The following GJB4 variants were observed in gnomAD, a reference collection of about 807,000 sequenced individuals.
GJB4 encodes the protein gap junction beta-4 protein.
For missense variants in GJB4, 371 were observed against 363.8 expected (o/e 1.02, Z -0.16); for synonymous variants, 162 against 158.1 (o/e 1.02, Z -0.18).
chr1:34,761,868 T>A lies in GJB4; in HGVS notation c.614T>A (p.Val205Asp), dbSNP rs778129905. ...TGCATCCTGCTCAACCTCAGTGAAGTCTTCTACCTGGTGGGCAAGAGGTGC... is the reference window on the plus strand; with the variant it reads ...TGCATCCTGCTCAACCTCAGTGAAGACTTCTACCTGGTGGGCAAGAGGTGC... ...AICILLNLSE[V>D]FYLVGKRCME... Residue 205 changes from valine (V) to aspartate (D), a missense_variant, in exon 2 of 2, where the codon GTC becomes GAC. Val to Asp is a radical substitution (Grantham distance 152). Coordinates refer to ENST00000339480, the MANE Select transcript of GJB4 (RefSeq NM_153212.3). This position sits in a 1 kb window ranked among gnomAD's most constrained non-coding sequence, Gnocchi z 4.4. 3.1e-6 allele frequency: 5 copies of A among 1,614,074 alleles called. No homozygotes were observed. Among genetic ancestry groups the A allele is most frequent in the Non-Finnish European group, 8.5e-7 (1 of 1,180,012 alleles).
intron 1 of GJB4, 71 bp downstream of exon 1, chr1:34,759,859 C>A (rs1407422304): frequency 6.6e-6 from 1 of 152,544 alleles, no homozygotes; most frequent in Non-Finnish European, 1.5e-5. Flanking sequence ...ATCCAAGGGA[C>A]CTCAGGCTGT....
chr1:34,762,016 G>A lies in GJB4; in HGVS notation c.762G>A (p.Lys254=). The change falls in exon 2 of 2, where the codon AAG becomes AAA. Residue 254 remains lysine, a synonymous_variant. Transcript: ENST00000339480. ...HPEDGNSVLM[K]AGSAPVDAGG... ...AGGATGGGAACTCTGTCCTAATGAA[G>A]GCTGGGTCGGCCCCAGTGGATGCAG... The A allele has an allele frequency of 1.2e-6, 2 of 1,614,100 alleles. No individual in the cohort carries two copies. Among genetic ancestry groups the A allele is most frequent in the Non-Finnish European group, 1.7e-6 (2 of 1,179,980 alleles).
chr1:34,761,845 C>T lies in GJB4; in HGVS notation c.591C>T (p.Cys197=), dbSNP rs777430011. 141 of 1,614,100 alleles carry T rather than the reference C, an allele frequency of 8.7e-5. 1 individual carries two copies. Among genetic ancestry groups the T allele is most frequent in the Non-Finnish European group, 1.1e-4 (131 of 1,180,054 alleles). The change falls in exon 2 of 2, where the codon TGC becomes TGT. Residue 197 remains cysteine, a synonymous_variant. Coordinates refer to ENST00000339480, the MANE Select transcript of GJB4 (RefSeq NM_153212.3). This position sits in a 1 kb window ranked among gnomAD's most constrained non-coding sequence, Gnocchi z 4.4. ...TYFMVTTAAI[C]ILLNLSEVFY... ...TCATGGTGACCACAGCTGCCATCTGCATCCTGCTCAACCTCAGTGAAGTCT... is the reference window on the plus strand; with the variant it reads ...TCATGGTGACCACAGCTGCCATCTGTATCCTGCTCAACCTCAGTGAAGTCT...
rs182726132 is a variant in GJB4, at chr1:34,762,098, G to A, written c.*43G>A. Reference sequence around the variant, plus strand: ...TAAGATCAACAGGTCCCCCCCACATGAGGCCACCCAGGAAAAAAGGCAGGG... The same window carrying A: ...TAAGATCAACAGGTCCCCCCCACATAAGGCCACCCAGGAAAAAAGGCAGGG... On this transcript the variant is annotated 3_prime_UTR_variant, in exon 2 of 2. Coordinates refer to ENST00000339480, the MANE Select transcript of GJB4 (RefSeq NM_153212.3). 224 of 1,548,738 alleles carry A rather than the reference G, an allele frequency of 1.4e-4. 1 individual carries two copies. In the African/African-American group the frequency reaches 2.8e-3, roughly 19 times the overall value.
chr1:34,761,580 A>G lies in GJB4; in HGVS notation c.326A>G (p.His109Arg). 1 of 1,614,198 alleles carries G rather than the reference A, an allele frequency of 6.2e-7. No individual in the cohort carries two copies. Among genetic ancestry groups the G allele is most frequent in the Non-Finnish European group, 8.5e-7 (1 of 1,180,042 alleles). The change falls in exon 2 of 2, where the codon CAC becomes CGC. Residue 109 changes from histidine to arginine, a missense_variant. Physicochemically the swap from His to Arg is conservative, Grantham distance 29 (BLOSUM62 0). Coordinates refer to ENST00000339480, the MANE Select transcript of GJB4 (RefSeq NM_153212.3). This position sits in a 1 kb window ranked among gnomAD's most constrained non-coding sequence, Gnocchi z 4.4. ...CGCGAGCGCAAGCACCACCTGAAACACGGGCCCAATGCCCCGTCCCTGTAC... is the reference window on the plus strand; with the variant it reads ...CGCGAGCGCAAGCACCACCTGAAACGCGGGCCCAATGCCCCGTCCCTGTAC... ...EERERKHHLK[H>R]GPNAPSLYDN...
In GJB4 at chr1:34,762,023, T is replaced by C; in HGVS notation, c.769T>C (p.Ser257Pro). Residue 257 changes from serine (S) to proline (P), a missense_variant, in exon 2 of 2, where the codon TCG (serine) becomes CCG (proline). Ser to Pro is a moderately conservative substitution (Grantham distance 74). Transcript: ENST00000339480. ...DGNSVLMKAG[S>P]APVDAGGYP ...GAACTCTGTCCTAATGAAGGCTGGG[T>C]CGGCCCCAGTGGATGCAGGTGGGTA... The C allele has an allele frequency of 6.2e-7, 1 of 1,613,820 alleles. No homozygotes were observed. The highest frequency in any genetic ancestry group is 8.5e-7 in the Non-Finnish European group (1 of 1,179,922).
chr1:34,761,206 A>G lies in GJB4; in HGVS notation c.-49A>G, dbSNP rs773686578. ...GCTCCCAAGGCCTGAGTGGGCAGGT[A>G]GCACCCAGGTATAGACCTTCCACGT... On this transcript the variant is annotated 5_prime_UTR_variant, in exon 2 of 2. Coordinates refer to ENST00000339480, the MANE Select transcript of GJB4 (RefSeq NM_153212.3). The surrounding 1 kb of genome is among the most constrained non-coding windows in gnomAD (Gnocchi z 4.4). 4 of 1,596,150 alleles carry G rather than the reference A, an allele frequency of 2.5e-6. No individual in the cohort carries two copies. In the African/African-American group the frequency reaches 4.0e-5, roughly 16 times the overall value.
chr1:34,760,865 G>C, intron 1 of GJB4, 68 bp from the exon 2 acceptor site: 1 of 337,206 alleles, frequency 3.0e-6, no homozygotes, highest in Non-Finnish European at 5.8e-6. Flanking sequence ...CTGAAACTTG[G>C]GGTAATAGAG....
rs527959955 is a variant in GJB4, at chr1:34,761,646, A to T, written c.392A>T (p.Tyr131Phe). 78 of 1,614,210 alleles carry T rather than the reference A, an allele frequency of 4.8e-5. 2 individuals carry two copies. In the South Asian group the frequency reaches 7.9e-4, roughly 16 times the overall value. Residue 131 changes from tyrosine (Y) to phenylalanine (F), a missense_variant, in exon 2 of 2, where the codon TAC (tyrosine) becomes TTC (phenylalanine). Tyr to Phe is a conservative substitution (Grantham distance 22). Coordinates refer to ENST00000339480, the MANE Select transcript of GJB4 (RefSeq NM_153212.3). This position sits in a 1 kb window ranked among gnomAD's most constrained non-coding sequence, Gnocchi z 4.4. The part of the protein sequence containing the change: ...SKKRGGLWWT[Y>F]LLSLIFKAAV... ...AAGCGGGGCGGACTGTGGTGGACGT[A>T]CTTGCTGAGCCTCATCTTCAAGGCC... is the stretch of plus-strand genomic sequence containing the variant.
chr1:34,761,470 C>G lies in GJB4; in HGVS notation c.216C>G (p.Ser72=). 1 of 1,614,142 alleles carries G rather than the reference C, an allele frequency of 6.2e-7. No individual in the cohort carries two copies. The highest frequency in any genetic ancestry group is 8.5e-7 in the Non-Finnish European group (1 of 1,179,998). The change falls in exon 2 of 2, where the codon TCC becomes TCG. Residue 72 remains serine, a synonymous_variant. Coordinates refer to ENST00000339480, the MANE Select transcript of GJB4 (RefSeq NM_153212.3). The surrounding 1 kb of genome is among the most constrained non-coding windows in gnomAD (Gnocchi z 4.4). The part of the protein sequence containing the change: ...NVCYDEFFPV[S]HVRLWALQLI... ...GCTATGACGAGTTCTTCCCCGTGTC[C>G]CACGTGCGCCTCTGGGCCCTACAGC...
At position 34,761,250 on chromosome 1, in the gene GJB4, C is replaced by G; in HGVS notation, c.-5C>G. 1 of 1,614,076 alleles carries G rather than the reference C, an allele frequency of 6.2e-7. No individual in the cohort carries two copies. The highest frequency in any genetic ancestry group is 1.6e-4 in the Middle Eastern group (1 of 6,062). ...TCCACGTGCAGCACCCAGGACACAG[C>G]CAGCATGAACTGGGCATTTCTGCAG... On this transcript the variant is annotated 5_prime_UTR_variant, in exon 2 of 2. Coordinates refer to ENST00000339480, the MANE Select transcript of GJB4 (RefSeq NM_153212.3). The surrounding 1 kb of genome is among the most constrained non-coding windows in gnomAD (Gnocchi z 4.4).
chr1:34,759,992 G>T (rs1321913480), intron 1 of GJB4, among the ~76,000 whole-genome samples: 3 of 152,124 alleles, frequency 2.0e-5, no homozygotes, highest in Non-Finnish European at 4.4e-5. Context: ...GGGAAGAGGG[G>T]GTATCAGGAA....
Position 34,761,470 on chromosome 1 carries a change from C to T in GJB4, c.216C>T (p.Ser72=). Residue 72 remains serine (S), a synonymous_variant, in exon 2 of 2, where the codon TCC becomes TCT. Coordinates refer to ENST00000339480, the MANE Select transcript of GJB4 (RefSeq NM_153212.3). The surrounding 1 kb of genome is among the most constrained non-coding windows in gnomAD (Gnocchi z 4.4). The part of the protein sequence containing the change: ...NVCYDEFFPV[S]HVRLWALQLI... ...GCTATGACGAGTTCTTCCCCGTGTCCCACGTGCGCCTCTGGGCCCTACAGC... is the reference window on the plus strand; with the variant it reads ...GCTATGACGAGTTCTTCCCCGTGTCTCACGTGCGCCTCTGGGCCCTACAGC... 1 of 1,614,142 alleles carries T rather than the reference C, an allele frequency of 6.2e-7. No homozygotes were observed. The highest frequency in any genetic ancestry group is 8.5e-7 in the Non-Finnish European group (1 of 1,179,998).
At chr1:34,760,264 G>A (rs977105703) in intron 1 of GJB4, among the ~76,000 whole-genome samples, 2 of 152,130 alleles carry the variant, frequency 1.3e-5, no homozygotes, top group Admixed American at 1.3e-4. Context: ...GAGGAGGGGA[G>A]GGTTGGACAT....
In GJB4 at chr1:34,761,447, T is replaced by C; in HGVS notation, c.193T>C (p.Tyr65His). The change falls in exon 2 of 2, where the codon TAT (tyrosine) becomes CAT (histidine). Residue 65 changes from tyrosine to histidine, a missense_variant. Tyr to His is a moderately conservative substitution (Grantham distance 83). Transcript: ENST00000339480. The surrounding 1 kb of genome is among the most constrained non-coding windows in gnomAD (Gnocchi z 4.4). ...TKQPGCPNVC[Y>H]DEFFPVSHVR... Reference sequence around the variant, plus strand: ...GCAGCCCGGCTGCCCCAACGTCTGCTATGACGAGTTCTTCCCCGTGTCCCA... The same window carrying C: ...GCAGCCCGGCTGCCCCAACGTCTGCCATGACGAGTTCTTCCCCGTGTCCCA... The C allele has an allele frequency of 6.2e-7, 1 of 1,614,192 alleles. No homozygotes were observed. Among genetic ancestry groups the C allele is most frequent in the African/African-American group, 1.3e-5 (1 of 75,074 alleles).
rs1639716156 is a variant in GJB4, at chr1:34,761,592, C to T, written c.338C>T (p.Ala113Val). ...RKHHLKHGPN[A>V]PSLYDNLSKK... is the part of the protein sequence containing the mutation. ...CACCACCTGAAACACGGGCCCAATGCCCCGTCCCTGTACGACAACCTGAGC... is the reference window on the plus strand; with the variant it reads ...CACCACCTGAAACACGGGCCCAATGTCCCGTCCCTGTACGACAACCTGAGC... The change falls in exon 2 of 2, where the codon GCC (alanine) becomes GTC (valine). Residue 113 changes from alanine (A) to valine (V), a missense_variant. By Grantham distance (64) the Ala-to-Val change is moderately conservative. Coordinates refer to ENST00000339480, the MANE Select transcript of GJB4 (RefSeq NM_153212.3). This position sits in a 1 kb window ranked among gnomAD's most constrained non-coding sequence, Gnocchi z 4.4. 6.2e-7 allele frequency: 1 copy of T among 1,614,248 alleles called. No homozygotes were observed. The highest frequency in any genetic ancestry group is 8.5e-7 in the Non-Finnish European group (1 of 1,180,042).
Position 34,761,551 on chromosome 1 carries a change from G to A in GJB4, c.297G>A (p.Glu99=), listed in dbSNP as rs749695901. 1.9e-6 allele frequency: 3 copies of A among 1,614,228 alleles called. No homozygotes were observed. The highest frequency in any genetic ancestry group is 2.2e-5 in the South Asian group (2 of 91,082). The part of the protein sequence containing the change: ...LLVVMHVAYR[E]ERERKHHLKH... ...TGGTCATGCACGTGGCCTACCGCGAGGAACGCGAGCGCAAGCACCACCTGA... is the reference window on the plus strand; with the variant it reads ...TGGTCATGCACGTGGCCTACCGCGAAGAACGCGAGCGCAAGCACCACCTGA... The change falls in exon 2 of 2, where the codon GAG becomes GAA. Residue 99 remains glutamate (E), a synonymous_variant. Coordinates refer to ENST00000339480, the MANE Select transcript of GJB4 (RefSeq NM_153212.3). The surrounding 1 kb of genome is among the most constrained non-coding windows in gnomAD (Gnocchi z 4.4).
rs548184524 is a variant in GJB4, at chr1:34,761,962, A to G, written c.708A>G (p.Pro236=). Residue 236 remains proline (P), a synonymous_variant, in exon 2 of 2, where the codon CCA becomes CCG. Transcript: ENST00000339480. The surrounding 1 kb of genome is among the most constrained non-coding windows in gnomAD (Gnocchi z 4.4). The stretch of plus-strand genomic sequence containing the variant: ...AATGCCTACCCGATACGTGCCCACC[A>G]TATGTCCTCTCCCAGGGAGGGCACC... ...CRECLPDTCP[P]YVLSQGGHPE... is the part of the protein sequence containing the mutation. 10 of 1,614,138 alleles carry G rather than the reference A, an allele frequency of 6.2e-6. No individual in the cohort carries two copies. In the South Asian group the frequency reaches 9.9e-5, roughly 16 times the overall value.
chr1:34,761,049 T>G lies in GJB4; in HGVS notation c.-206T>G. 1.6e-6 allele frequency: 1 copy of G among 622,472 alleles called. No individual in the cohort carries two copies. Among genetic ancestry groups the G allele is most frequent in the Non-Finnish European group, 2.9e-6 (1 of 343,846 alleles). The allele number at this position is 622,472 out of a possible 1,614,324, so 38.6% of individuals were successfully genotyped here. On this transcript the variant is annotated 5_prime_UTR_variant, in exon 2 of 2. It removes an upstream start codon present in the reference 5' UTR. Transcript: ENST00000339480. This position sits in a 1 kb window ranked among gnomAD's most constrained non-coding sequence, Gnocchi z 4.4. ...GGGCCTTCACTTACTCTTTGTGAAA[T>G]GAGGACAGGGGCAATCCCTACCCTA...
Sources: allele counts gnomAD v4.1 joint callset (sites outside exome capture counted in the v4.1 genomes callset), GRCh38; gene constraint gnomAD v4.1.1; non-coding constraint Gnocchi (gnomAD v3.1); transcripts MANE v1.5; gene names NCBI Gene and HGNC (gene_info 2026-07-23, HGNC 2026-07-21).